The following SPAG16 variants were observed in gnomAD, a reference collection of about 807,000 sequenced individuals.
The protein encoded by SPAG16 is sperm-associated antigen 16 protein.
Under a neutral mutation model 80.4 loss-of-function variants are expected in SPAG16, and 86 were observed. That is an observed-to-expected ratio of 1.07 (90% CI 0.90 to 1.28). The LOEUF (loss-of-function observed/expected upper bound fraction) is 1.28. Among genes scored for constraint, SPAG16 ranks in the 50% most tolerant of loss-of-function variants. The probability of loss-of-function intolerance (pLI) is 0.00; values close to 1 mark genes in which losing one functional copy is unlikely to be tolerated. For synonymous variants in SPAG16, 294 were observed against 265.9 expected, an observed-to-expected ratio of 1.11 and a Z score of -1.03; for missense variants, 870 against 765.3, an observed-to-expected ratio of 1.14 and a Z score of -1.61.
At chr2:214,330,550 C>T (rs536294850) in intron 15 of SPAG16, among the ~76,000 whole-genome samples, 1 of 152,240 alleles carries the variant, frequency 6.6e-6, no homozygotes, top group African/African-American at 2.4e-5. Flanking sequence ...GGAGAAGTTA[C>T]AATGCAGTGG....
chr2:213,480,344 C>T (rs2073680294), intron 9 of SPAG16, among the ~76,000 whole-genome samples: 2 of 152,144 alleles, frequency 1.3e-5, no homozygotes, highest in South Asian at 4.1e-4. Context: ...TAGGCATATC[C>T]CCTTAGCCAA....
intron 13 of SPAG16, among the ~76,000 whole-genome samples, chr2:214,072,323 G>C (rs989006083): frequency 2.6e-5 from 4 of 152,050 alleles, no homozygotes; most frequent in African/African-American, 9.7e-5. Flanking sequence ...TACTATTTCT[G>C]ATCTTTCTAA....
At chr2:213,635,232 T>C (rs2062316507) in intron 10 of SPAG16, among the ~76,000 whole-genome samples, 1 of 152,032 alleles carries the variant, frequency 6.6e-6, no homozygotes, top group Admixed American at 6.6e-5. Context: ...AGATGGGGTT[T>C]CACCATGCTA....
intron 9 of SPAG16, among the ~76,000 whole-genome samples, chr2:213,471,632 T>G (rs1053984511): frequency 6.6e-6 from 1 of 152,166 alleles, no homozygotes; most frequent in African/African-American, 2.4e-5. Flanking sequence ...TATCTGCCGC[T>G]GTCACCTCAA....
chr2:214,059,186 C>CTCTATATATA (rs1553706143), intron 13 of SPAG16, among the ~76,000 whole-genome samples: 9 of 114,390 alleles, frequency 7.9e-5, no homozygotes, highest in African/African-American at 3.2e-4. Context: ...CTCTCTCTGT[C>CTCTATATATA]TATATATATA....
chr2:213,361,051 T>C (rs2065951110), intron 7 of SPAG16, among the ~76,000 whole-genome samples: 1 of 152,128 alleles, frequency 6.6e-6, no homozygotes, highest in Non-Finnish European at 1.5e-5. Flanking sequence ...TTAAAATTTT[T>C]GATTATTATC....
intron 10 of SPAG16, among the ~76,000 whole-genome samples, chr2:213,736,079 T>A (rs1235308582): frequency 2.0e-5 from 3 of 152,170 alleles, no homozygotes; most frequent in South Asian, 4.1e-4. Context: ...ACCCATTTGT[T>A]TCCTCTCATT....
At chr2:213,729,306 G>T (rs1305953985) in intron 10 of SPAG16, among the ~76,000 whole-genome samples, 3 of 152,000 alleles carry the variant, frequency 2.0e-5, no homozygotes, top group Non-Finnish European at 4.4e-5. Context: ...GTGTGACTCT[G>T]GATGACTCTT....
rs567170773 is a variant in SPAG16 at position 214,076,758 on chromosome 2, G to A, written c.1528-31438G>A. On this transcript the variant is annotated intron_variant, in intron 13 of 15. Transcript: ENST00000331683. ...AACCACAATGGCATATGAGTTCATA[G>A]TTTGCTTTTGGTTGGGCAAAGTTAA... Among the ~76,000 whole-genome samples the A allele has an allele frequency of 3.5e-4, 54 of 152,280 alleles. No individual in the cohort carries two copies. The South Asian group carries it at 0.011, about 31-fold the overall frequency.
intron 15 of SPAG16, among the ~76,000 whole-genome samples, chr2:214,308,728 G>A (rs539227582): frequency 6.6e-6 from 1 of 152,070 alleles, no homozygotes; most frequent in South Asian, 2.1e-4. Context: ...ATTCTCTTCT[G>A]GCTTGTAGAG....
intron 10 of SPAG16, among the ~76,000 whole-genome samples, chr2:213,802,440 T>TCTAC (rs2071478399): frequency 6.7e-6 from 1 of 149,236 alleles, no homozygotes; most frequent in East Asian, 2.0e-4. Context: ...TATCTATCTA[T>TCTAC]CTATCTACAC....
chr2:214,164,523 A>G (rs2056572407), intron 15 of SPAG16, among the ~76,000 whole-genome samples: 1 of 152,126 alleles, frequency 6.6e-6, no homozygotes, highest in Non-Finnish European at 1.5e-5. Flanking sequence ...AAGGAAAACT[A>G]TGAGAGATGG....
chr2:214,345,636 CAA>C (rs1698003345), intron 15 of SPAG16, among the ~76,000 whole-genome samples: 1 of 152,074 alleles, frequency 6.6e-6, no homozygotes. Context: ...AACCACTACT[CAA>C]GTCTAAGAAT....
At position 213,799,267 on chromosome 2, in the gene SPAG16, C is replaced by T. The variant is rs1032429235; in HGVS notation, c.1071-63218C>T. On this transcript the variant is annotated intron_variant, in intron 10 of 15. Coordinates refer to ENST00000331683, the MANE Select transcript of SPAG16 (RefSeq NM_024532.5). ...TTCTTTCAGCAATGTTTTATAGTTT[C>T]GAGTATAAATTTTTCACTTATTTTA... Among the ~76,000 whole-genome samples the T allele has an allele frequency of 7.9e-5, 12 of 152,026 alleles. No homozygotes were observed. The South Asian group carries it at 1.5e-3, about 18-fold the overall frequency.
chr2:213,981,758 G>T, intron 12 of SPAG16, among the ~76,000 whole-genome samples: 1 of 151,972 alleles, frequency 6.6e-6, no homozygotes. Flanking sequence ...CTGATATATT[G>T]TGGTAGATTA....
chr2:214,328,778 TCTC>T (rs1361240935), intron 15 of SPAG16, among the ~76,000 whole-genome samples: 2 of 152,178 alleles, frequency 1.3e-5, no homozygotes, highest in Non-Finnish European at 2.9e-5. Context: ...GTTGACATAT[TCTC>T]TTCTAACTTC....
intron 15 of SPAG16, among the ~76,000 whole-genome samples, chr2:214,166,901 A>G (rs1366989962): frequency 6.6e-6 from 1 of 152,194 alleles, no homozygotes; most frequent in East Asian, 1.9e-4. Context: ...TATGAAACCA[A>G]GAAGAGCTGG....
intron 10 of SPAG16, among the ~76,000 whole-genome samples, chr2:213,729,670 G>T (rs890951505): frequency 6.6e-6 from 1 of 152,162 alleles, no homozygotes; most frequent in Non-Finnish European, 1.5e-5. Flanking sequence ...AATTTCTACC[G>T]ATTAATGTAA....
At chr2:214,056,042 A>G (rs1397782846) in intron 13 of SPAG16, among the ~76,000 whole-genome samples, 1 of 152,198 alleles carries the variant, frequency 6.6e-6, no homozygotes, top group Admixed American at 6.6e-5. Context: ...TCAGATAATT[A>G]CTATACTTAT....
Sources: gnomAD v4.1 joint callset for allele counts (sites outside exome capture counted in the v4.1 genomes callset) on GRCh38, gnomAD v4.1.1 for gene constraint, MANE v1.5 for transcripts, NCBI Gene and HGNC (gene_info 2026-07-23, HGNC 2026-07-21) for gene names.